The following PIK3C2G variants were observed in gnomAD, a reference collection of about 807,000 sequenced individuals.
The protein encoded by PIK3C2G is phosphatidylinositol-4-phosphate 3-kinase catalytic subunit type 2 gamma.
PIK3C2G carries 168 observed loss-of-function variants against 181.1 expected under a neutral mutation model. The observed-to-expected ratio is 0.93, with a 90% CI of 0.82 to 1.05. PIK3C2G has a LOEUF of 1.05. Ranked by LOEUF, PIK3C2G falls within the 50% of genes least tolerant of loss-of-function variation. PIK3C2G has a pLI of 0.00. For synonymous variants in PIK3C2G, 573 were observed against 592.2 expected (o/e 0.97, Z 0.47); for missense variants, 1,869 against 1,732.8 (o/e 1.08, Z -1.40).
At position 18,458,222 on chromosome 12, in the gene PIK3C2G, A is replaced by G. The variant is rs138735796; in HGVS notation, c.2505-30227A>G. On this transcript the variant is annotated intron_variant, in intron 18 of 32. Coordinates refer to ENST00000538779, the MANE Select transcript of PIK3C2G (RefSeq NM_001288772.2). The stretch of plus-strand genomic sequence containing the variant: ...CTTTTCATTTCCAAAAGTGGATTAA[A>G]CATTTTAATATATTATGCATTCTAA... Among the ~76,000 whole-genome samples the G allele has an allele frequency of 3.9e-5, 6 of 152,272 alleles. No homozygotes were observed. The East Asian group carries it at 1.2e-3, about 29-fold the overall frequency.
chr12:18,573,460 C>T (rs1018813697), intron 29 of PIK3C2G, among the ~76,000 whole-genome samples: 1 of 152,160 alleles, frequency 6.6e-6, no homozygotes, highest in Non-Finnish European at 1.5e-5. Flanking sequence ...CTTAACTTCT[C>T]AGCCTCTCAA....
the PIK3C2G span, among the ~76,000 whole-genome samples, chr12:18,721,982 A>T: frequency 6.6e-6 from 1 of 151,468 alleles, no homozygotes; most frequent in African/African-American, 2.4e-5. Context: ...GTCTCTCCAA[A>T]CTCATCTCTC....
intron 26 of PIK3C2G, among the ~76,000 whole-genome samples, chr12:18,559,861 G>GAGAGAGAC (rs1565507919): frequency 1.6e-5 from 2 of 128,032 alleles, no homozygotes; most frequent in Non-Finnish European, 3.3e-5. Context: ...GAGAGAGAGA[G>GAGAGAGAC]AGAGACAGTT....
chr12:18,277,032 T>C (rs1440943601), intron 1 of PIK3C2G, among the ~76,000 whole-genome samples: 1 of 152,182 alleles, frequency 6.6e-6, no homozygotes, highest in African/African-American at 2.4e-5. Flanking sequence ...GCACCTCTTG[T>C]CTTCACTTAA....
rs571591189 is a variant in PIK3C2G at position 18,352,963 on chromosome 12, C to A, written c.1625+6127C>A. ...TCTGCCAGTGGACCCTGGGGTTTTT[C>A]TGGGTATAGGATGGTGGGTGGGACA... On this transcript the variant is annotated intron_variant, in intron 11 of 32. Transcript: ENST00000538779. 3.9e-3 allele frequency among the ~76,000 whole-genome samples: 600 copies of A among 152,248 alleles called. 1 individual carries two copies. The highest frequency in any genetic ancestry group is 0.014 in the African/African-American group (564 of 41,532).
chr12:18,678,260 A>G, the PIK3C2G span, among the ~76,000 whole-genome samples: 1 of 152,240 alleles, frequency 6.6e-6, no homozygotes, highest in South Asian at 2.1e-4. Flanking sequence ...TAAACCTTTC[A>G]TGCATCATTT....
At chr12:18,310,555 A>T (rs557702421) in intron 5 of PIK3C2G, among the ~76,000 whole-genome samples, 1 of 152,058 alleles carries the variant, frequency 6.6e-6, no homozygotes, top group African/African-American at 2.4e-5. Flanking sequence ...TTGAAGTCAT[A>T]TAAAGCTCTA....
intron 14 of PIK3C2G, 121 bp downstream of exon 14, chr12:18,382,001 C>A: frequency 1.5e-6 from 1 of 672,616 alleles, no homozygotes; most frequent in Admixed American, 2.3e-5. Context: ...TCTCTGCCTC[C>A]AGCCTTCTGG....
At chr12:18,659,908 G>A in the PIK3C2G span, among the ~76,000 whole-genome samples, 1 of 151,874 alleles carries the variant, frequency 6.6e-6, no homozygotes, top group Non-Finnish European at 1.5e-5. Context: ...GGAGTCCTTT[G>A]GACTGAAATA....
the PIK3C2G span, chr12:18,693,651 C>T: frequency 6.4e-7 from 1 of 1,565,068 alleles, no homozygotes; most frequent in Non-Finnish European, 8.8e-7. Context: ...GCCATTGGGA[C>T]AAAAAGATAT....
chr12:18,708,730 T>TA, the PIK3C2G span, among the ~76,000 whole-genome samples: 1 of 152,184 alleles, frequency 6.6e-6, no homozygotes, highest in African/African-American at 2.4e-5. Flanking sequence ...TGGTATCTCA[T>TA]AGTGGTTTTG....
chr12:18,316,886 A>C (rs972375462), intron 6 of PIK3C2G, among the ~76,000 whole-genome samples: 1 of 152,154 alleles, frequency 6.6e-6, no homozygotes, highest in South Asian at 2.1e-4. Flanking sequence ...CAATAGCAAT[A>C]AGATCTCAGC....
intron 32 of PIK3C2G, among the ~76,000 whole-genome samples, chr12:18,646,589 C>G (rs527630855): frequency 5.3e-5 from 8 of 152,194 alleles, no homozygotes; most frequent in Admixed American, 1.3e-4. Flanking sequence ...GGGAGGCCAC[C>G]CAGTGAACTC....
rs1159676081 is a variant in PIK3C2G, at chr12:18,363,339, G to C, written c.1748+453G>C. On this transcript the variant is annotated intron_variant, in intron 12 of 32. Transcript: ENST00000538779. ...GTTTTTTTGACAATAAACATCTATAGATGTGTAAGCTTAATTTGGGGTGAC... is the reference window on the plus strand; with the variant it reads ...GTTTTTTTGACAATAAACATCTATACATGTGTAAGCTTAATTTGGGGTGAC... 9.2e-5 allele frequency among the ~76,000 whole-genome samples: 14 copies of C among 152,234 alleles called. No homozygotes were observed. The East Asian group carries it at 2.7e-3, about 29-fold the overall frequency.
At chr12:18,281,066 T>C (rs34145841) in intron 1 of PIK3C2G, among the ~76,000 whole-genome samples, 7,754 of 151,908 alleles carry the variant, frequency 0.051, 265 homozygotes, top group Middle Eastern at 0.11. Flanking sequence ...TATGATTGGT[T>C]TTGGACTTTC....
chr12:18,257,847 GAGAA>G (rs112238182), upstream of PIK3C2G, among the ~76,000 whole-genome samples: 65,541 of 149,944 alleles, frequency 0.44, 14,816 homozygotes, highest in East Asian at 0.74. Flanking sequence ...GGAAAAGAAA[GAGAA>G]AGAAAGAAAG....
intron 18 of PIK3C2G, among the ~76,000 whole-genome samples, chr12:18,473,681 G>A (rs978940): frequency 0.99 from 151,085 of 152,300 alleles, 74,954 homozygotes; most frequent in Middle Eastern, 1. Context: ...AATTGATTCT[G>A]TTACTGTTCT....
intron 5 of PIK3C2G, among the ~76,000 whole-genome samples, chr12:18,300,616 G>A (rs1030582152): frequency 3.3e-5 from 5 of 151,912 alleles, no homozygotes; most frequent in Non-Finnish European, 7.4e-5. Flanking sequence ...TTATATTCAA[G>A]GTTATAATTG....
chr12:18,688,197 G>A, the PIK3C2G span: 1 of 1,609,916 alleles, frequency 6.2e-7, no homozygotes, highest in Non-Finnish European at 8.5e-7. Flanking sequence ...TGAGTAAGAG[G>A]CAACTGGATA....
Sources: gnomAD v4.1 joint callset for allele counts (sites outside exome capture counted in the v4.1 genomes callset) on GRCh38, gnomAD v4.1.1 for gene constraint, MANE v1.5 for transcripts, NCBI Gene and HGNC (gene_info 2026-07-23, HGNC 2026-07-21) for gene names.